Variants in PACRG observed in about 807,000 individuals in gnomAD.
PACRG encodes the protein parkin coregulated gene protein.
Under a neutral mutation model 29.7 loss-of-function variants are expected in PACRG, and 29 were observed. The observed-to-expected ratio is 0.98, with a 90% CI of 0.73 to 1.33. PACRG has a LOEUF of 1.33. Ranked by LOEUF, PACRG falls within the 40% of genes most tolerant of loss-of-function variation. PACRG has a pLI of 0.00. For synonymous variants in PACRG, 116 were observed against 118.7 expected, an observed-to-expected ratio of 0.98 and a Z score of 0.15; for missense variants, 279 against 316.2, an observed-to-expected ratio of 0.88 and a Z score of 0.89.
intron 2 of PACRG, among the ~76,000 whole-genome samples, chr6:162,986,755 G>A (rs955741175): frequency 1.3e-5 from 2 of 152,058 alleles, no homozygotes; most frequent in Non-Finnish European, 2.9e-5. Context: ...GGATTAATTC[G>A]AAAGCCTTGT....
chr6:162,742,199 A>T (rs1018443931), intron 1 of PACRG, among the ~76,000 whole-genome samples: 1 of 152,138 alleles, frequency 6.6e-6, no homozygotes, highest in African/African-American at 2.4e-5. Context: ...TAATTCTCAC[A>T]TGTTGTGGGA....
chr6:163,201,496 G>A (rs1420739057), intron 4 of PACRG, among the ~76,000 whole-genome samples: 1 of 152,194 alleles, frequency 6.6e-6, no homozygotes, highest in Non-Finnish European at 1.5e-5. Flanking sequence ...GGCTGTGTGG[G>A]GACAGTCTCC....
At chr6:163,147,312 A>G (rs1222020263) in intron 4 of PACRG, among the ~76,000 whole-genome samples, 1 of 152,234 alleles carries the variant, frequency 6.6e-6, no homozygotes, top group African/African-American at 2.4e-5. Context: ...TAGAAAAATG[A>G]AAATGTAGCA....
intron 2 of PACRG, among the ~76,000 whole-genome samples, chr6:162,919,705 T>C (rs1387046158): frequency 6.6e-6 from 1 of 152,210 alleles, no homozygotes. Flanking sequence ...AATGAAAGCA[T>C]TGTGCTGAAT....
intron 1 of PACRG, among the ~76,000 whole-genome samples, chr6:162,770,380 G>A (rs895607964): frequency 2.6e-5 from 4 of 152,042 alleles, no homozygotes; most frequent in African/African-American, 7.2e-5. Flanking sequence ...CATTGTAGCT[G>A]GTGATAAAAG....
At chr6:163,093,050 G>A (rs1814257290) in intron 4 of PACRG, among the ~76,000 whole-genome samples, 1 of 152,178 alleles carries the variant, frequency 6.6e-6, no homozygotes, top group Non-Finnish European at 1.5e-5. Context: ...CAGGGCGAGT[G>A]GCCAAATAAG....
intron 2 of PACRG, among the ~76,000 whole-genome samples, chr6:162,846,345 G>T (rs1253510228): frequency 6.6e-6 from 1 of 152,210 alleles, no homozygotes; most frequent in African/African-American, 2.4e-5. Context: ...GATACGGGAA[G>T]TGCATTCTCA....
At chr6:162,814,094 A>AT (rs1233360311) in intron 1 of PACRG, 53 bp from the exon 2 acceptor site, 6 of 1,508,280 alleles carry the variant, frequency 4.0e-6, no homozygotes, top group Non-Finnish European at 5.3e-6. Flanking sequence ...TTTATTATGA[A>AT]TTTTTTTAGT....
chr6:163,252,877 C>T (rs2128172687), intron 4 of PACRG, among the ~76,000 whole-genome samples: 1 of 152,282 alleles, frequency 6.6e-6, no homozygotes, highest in African/African-American at 2.4e-5. Flanking sequence ...AGCTTTGAAA[C>T]TAAAAGTAAG....
At chr6:163,213,312 A>AAC (rs761295861) in intron 4 of PACRG, among the ~76,000 whole-genome samples, 10 of 152,122 alleles carry the variant, frequency 6.6e-5, no homozygotes, top group East Asian at 5.8e-4. Flanking sequence ...CAAGGAAAAA[A>AAC]AAAACAAAAC....
At chr6:162,857,227 A>G (rs574645052) in intron 2 of PACRG, among the ~76,000 whole-genome samples, 5 of 152,290 alleles carry the variant, frequency 3.3e-5, no homozygotes, top group Admixed American at 6.5e-5. Context: ...TTCCACGCAC[A>G]CTTGCTTGTT....
rs554787635 is a variant in PACRG, at chr6:163,105,891, G to A, written c.613+16483G>A. On this transcript the variant is annotated intron_variant, in intron 4 of 4. Transcript: ENST00000366888. ...AGAGAGTTGTTCTTCCAGTCACATT[G>A]CTGGAGTAGAGATTTATAATTTTTA... Among the ~76,000 whole-genome samples, 7 of 152,088 alleles carry A rather than the reference G, an allele frequency of 4.6e-5. No homozygotes were observed. The East Asian group carries it at 7.7e-4, about 17-fold the overall frequency.
At chr6:163,067,000 T>A (rs1811601744) in intron 3 of PACRG, among the ~76,000 whole-genome samples, 1 of 152,200 alleles carries the variant, frequency 6.6e-6, no homozygotes, top group African/African-American at 2.4e-5. Flanking sequence ...AAGAATCAGC[T>A]GCTACTCATC....
chr6:162,995,007 G>A (rs1300763503), intron 2 of PACRG, among the ~76,000 whole-genome samples: 1 of 150,856 alleles, frequency 6.6e-6, no homozygotes, highest in Non-Finnish European at 1.5e-5. Context: ...GCCGAGTGAG[G>A]TGTCAGTGTG....
At chr6:162,897,789 C>T (rs1795276190) in intron 2 of PACRG, among the ~76,000 whole-genome samples, 2 of 152,208 alleles carry the variant, frequency 1.3e-5, no homozygotes, top group South Asian at 2.1e-4. Context: ...TTGGCATGCA[C>T]GGACTTCTGG....
At chr6:163,061,146 C>A (rs1372934613) in intron 2 of PACRG, among the ~76,000 whole-genome samples, 2 of 152,022 alleles carry the variant, frequency 1.3e-5, no homozygotes, top group African/African-American at 4.8e-5. Context: ...ATTTGAAAAC[C>A]AAGGAAATTA....
chr6:162,901,988 T>C, intron 2 of PACRG, among the ~76,000 whole-genome samples: 1 of 152,250 alleles, frequency 6.6e-6, no homozygotes. Context: ...CCCAGGCGTA[T>C]TGCCTGATGG....
chr6:163,033,452 A>G (rs1006498233), intron 2 of PACRG, among the ~76,000 whole-genome samples: 4 of 152,274 alleles, frequency 2.6e-5, no homozygotes, highest in Admixed American at 2.6e-4. Flanking sequence ...TGCATAATGT[A>G]GACCAAATAT....
At chr6:162,982,140 T>C (rs1802490388) in intron 2 of PACRG, among the ~76,000 whole-genome samples, 1 of 152,036 alleles carries the variant, frequency 6.6e-6, no homozygotes, top group African/African-American at 2.4e-5. Context: ...GGTTACAATA[T>C]CTCCCATTTT....
Sources: allele counts gnomAD v4.1 joint callset (sites outside exome capture counted in the v4.1 genomes callset), GRCh38; gene constraint gnomAD v4.1.1; transcripts MANE v1.5; gene names NCBI Gene and HGNC (gene_info 2026-07-23, HGNC 2026-07-21).